DNAH12: variants seen among roughly 807,000 people sequenced by gnomAD.
DNAH12 encodes axonemal beta dynein heavy chain 12.
DNAH12 carries 285 observed loss-of-function variants against 371.5 expected under a neutral mutation model. That is an observed-to-expected ratio of 0.77 (90% confidence interval 0.70 to 0.85). DNAH12 has a LOEUF of 0.85. DNAH12 is among the 40% of genes least tolerant of loss of function. DNAH12 has a pLI of 0.00. For synonymous variants in DNAH12, 1,200 were observed against 1,213.0 expected (o/e 0.99, Z 0.22); for missense variants, 3,611 against 3,689.4 (o/e 0.98, Z 0.55).
At chr3:57,470,385 T>C in intron 16 of DNAH12, 58 bp downstream of exon 16, 2 of 1,439,928 alleles carry the variant, frequency 1.4e-6, no homozygotes, top group Non-Finnish European at 1.8e-6. Flanking sequence ...AATCAATTTA[T>C]ATTTTACAAA....
At chr3:57,319,969 C>T (rs150858297) in intron 65 of DNAH12, among the ~76,000 whole-genome samples, 3,550 of 152,152 alleles carry the variant, frequency 0.023, 64 homozygotes, top group Admixed American at 0.035. Flanking sequence ...TTTTATCTTT[C>T]TTCTGTTAAT....
chr3:57,442,959 G>C (rs1044461293), intron 29 of DNAH12, among the ~76,000 whole-genome samples: 1 of 152,068 alleles, frequency 6.6e-6, no homozygotes, highest in African/African-American at 2.4e-5. Context: ...GGCAAAAGGT[G>C]GTTTATGAAC....
At chr3:57,423,585 T>C (rs1394929551) in intron 35 of DNAH12, among the ~76,000 whole-genome samples, 1 of 152,128 alleles carries the variant, frequency 6.6e-6, no homozygotes, top group Non-Finnish European at 1.5e-5. Context: ...ACTGCTATGC[T>C]GTGAGGGGAG....
chr3:57,402,442 T>C (rs1485521646), intron 43 of DNAH12: 18 of 1,304,764 alleles, frequency 1.4e-5, no homozygotes, highest in Non-Finnish European at 1.7e-5. Flanking sequence ...AAAGAAACTA[T>C]TAAGATTACT....
intron 57 of DNAH12, among the ~76,000 whole-genome samples, chr3:57,366,287 A>G (rs1238656677): frequency 6.6e-6 from 1 of 152,256 alleles, no homozygotes; most frequent in Non-Finnish European, 1.5e-5. Context: ...AAAGGGAAGC[A>G]TAAATAATCC....
At chr3:57,416,331 A>T (rs1489467453) in intron 37 of DNAH12, among the ~76,000 whole-genome samples, 1 of 152,152 alleles carries the variant, frequency 6.6e-6, no homozygotes, top group East Asian at 1.9e-4. Context: ...GCCTCAAGTG[A>T]TCCTCTTGTC....
chr3:57,517,278 T>A (rs933395234), intron 4 of DNAH12, among the ~76,000 whole-genome samples: 1 of 152,178 alleles, frequency 6.6e-6, no homozygotes, highest in Admixed American at 6.5e-5. Context: ...TTAATTATTA[T>A]ATGTCTTCCT....
chr3:57,323,499 C>A lies in DNAH12; in HGVS notation c.10099G>T (p.Val3367Phe). The stretch of plus-strand genomic sequence containing the variant: ...ATAGGATCTGCTCCTGGAGATAGAA[C>A]AAAAATTAAGGGAATGGTGCAATTT... The part of the protein sequence containing the change: ...DSNCTIPLIF[V>F]LSPGADPMAS... The change falls in exon 63 of 74, where the codon GTT becomes TTT. Residue 3367 changes from valine (V) to phenylalanine (F), a missense_variant. Val to Phe is a conservative substitution (Grantham distance 50). This residue lies in a region of DNAH12 where 2,266 missense variants were observed against 2,236.9 expected (regional missense o/e 1.01). Transcript: ENST00000495027. 2 of 1,550,068 alleles carry A rather than the reference C, an allele frequency of 1.3e-6. No homozygotes were observed. The highest frequency in any genetic ancestry group is 2.7e-5 in the African/African-American group (2 of 73,038).
intron 29 of DNAH12, among the ~76,000 whole-genome samples, chr3:57,438,918 C>CCAAAAAAAAAAAAAAAAAAAAAA: frequency 1.1e-5 from 1 of 94,496 alleles, no homozygotes; most frequent in Non-Finnish European, 2.0e-5. Context: ...CTGTCTCAGA[C>CCAAAAAAAAAAAAAAAAAAAAAA]AAAAAAAAAA....
rs1419941246 is a variant in DNAH12, at chr3:57,502,335, A to G, written c.1231T>C (p.Tyr411His). Residue 411 changes from tyrosine (Y) to histidine (H), a missense_variant, in exon 10 of 74, where the codon TAT becomes CAT. Coordinates refer to ENST00000495027, the MANE Select transcript of DNAH12 (RefSeq NM_001366028.2). ...ATGTCATACACACCATATGTCTCATAATGCTTTCTTGCACCTTCTAAGTTC... is the reference window on the plus strand; with the variant it reads ...ATGTCATACACACCATATGTCTCATGATGCTTTCTTGCACCTTCTAAGTTC... ...HRNLEGARKH[Y>H]ETYVEKYNWL... 2 of 1,614,058 alleles carry G rather than the reference A, an allele frequency of 1.2e-6. No individual in the cohort carries two copies. The highest frequency in any genetic ancestry group is 1.7e-6 in the Non-Finnish European group (2 of 1,179,978).
Position 57,433,456 on chromosome 3 carries a change from T to A in DNAH12, c.4891A>T (p.Thr1631Ser). Residue 1631 changes from threonine (T) to serine (S), a missense_variant, in exon 32 of 74, where the codon ACA becomes TCA. Thr to Ser is a moderately conservative substitution (Grantham distance 58). Transcript: ENST00000495027. ...AATACAACCCATTTCCGGTCAGGTGTTTCTGATAAGGCAAATTCTCTAAAA... is the reference window on the plus strand; with the variant it reads ...AATACAACCCATTTCCGGTCAGGTGATTCTGATAAGGCAAATTCTCTAAAA... ...NTFREFALSE[T>S]PDRKWVVFDG... The A allele has an allele frequency of 6.4e-7, 1 of 1,551,556 alleles. No individual in the cohort carries two copies. Among genetic ancestry groups the A allele is most frequent in the Non-Finnish European group, 8.7e-7 (1 of 1,146,918 alleles).
chr3:57,301,240 T>C (rs2061336690), intron 70 of DNAH12, among the ~76,000 whole-genome samples: 1 of 115,148 alleles, frequency 8.7e-6, no homozygotes, highest in Non-Finnish European at 1.6e-5. Flanking sequence ...CACTCCAGCC[T>C]GGATGACAGA....
intron 66 of DNAH12, among the ~76,000 whole-genome samples, chr3:57,314,202 G>A (rs927488814): frequency 3.3e-5 from 5 of 152,112 alleles, no homozygotes; most frequent in Admixed American, 6.5e-5. Context: ...CAGGGTCCTC[G>A]ATGACAACAC....
intron 51 of DNAH12, among the ~76,000 whole-genome samples, 189 bp downstream of exon 51, chr3:57,380,089 C>T (rs2063358013): frequency 6.6e-6 from 1 of 152,026 alleles, no homozygotes; most frequent in African/African-American, 2.4e-5. Flanking sequence ...TTTTAACTAT[C>T]TGAGACAGCA....
Position 57,462,879 on chromosome 3 carries a change from A to G in DNAH12, c.2350-4T>C, listed in dbSNP as rs991966603. The G allele has an allele frequency of 2.6e-6, 4 of 1,542,724 alleles. No homozygotes were observed. The highest frequency in any genetic ancestry group is 3.5e-6 in the Non-Finnish European group (4 of 1,140,410). ...TGGAGACAGTAGGAATATATTCCTA[A>G]TGGCAAAAATATAAACAATTATGAG... On this transcript the variant is annotated splice_polypyrimidine_tract_variant and splice_region_variant and intron_variant, in intron 17 of 73. Transcript: ENST00000495027.
chr3:57,393,847 T>C (rs2063683431), intron 44 of DNAH12, among the ~76,000 whole-genome samples: 1 of 152,028 alleles, frequency 6.6e-6, no homozygotes, highest in Non-Finnish European at 1.5e-5. Flanking sequence ...AAAGTAGCAT[T>C]AAAATCATGT....
At chr3:57,390,830 C>T (rs1165533413) in intron 45 of DNAH12, among the ~76,000 whole-genome samples, 2 of 152,048 alleles carry the variant, frequency 1.3e-5, no homozygotes, top group Non-Finnish European at 2.9e-5. Flanking sequence ...CAGCTTCCAA[C>T]TGCTTTGGTT....
chr3:57,457,426 G>T (rs921208996), intron 22 of DNAH12, among the ~76,000 whole-genome samples: 1 of 152,062 alleles, frequency 6.6e-6, no homozygotes, highest in Admixed American at 6.6e-5. Flanking sequence ...CCTGTCCTTT[G>T]TGTCTCAGTT....
At chr3:57,321,981 A>G (rs2061815957) in intron 65 of DNAH12, among the ~76,000 whole-genome samples, 1 of 152,210 alleles carries the variant, frequency 6.6e-6, no homozygotes, top group African/African-American at 2.4e-5. Flanking sequence ...TCATTGCTTT[A>G]TATCTACACT....
Sources: gnomAD v4.1 joint callset for allele counts (sites outside exome capture counted in the v4.1 genomes callset) on GRCh38, gnomAD v4.1.1 for gene constraint, gnomAD v4.1.1 regional missense constraint, MANE v1.5 for transcripts, NCBI Gene and HGNC (gene_info 2026-07-23, HGNC 2026-07-21) for gene names.